Variants in FAM107B observed in about 807,000 individuals in gnomAD.
The protein encoded by FAM107B is protein FAM107B.
Under a neutral mutation model 31.5 loss-of-function variants are expected in FAM107B, and 21 were observed. The observed-to-expected ratio is 0.67, with a 90% confidence interval of 0.47 to 0.96. The LOEUF (loss-of-function observed/expected upper bound fraction) is 0.96. Among genes scored for constraint, FAM107B ranks in the 40% least tolerant of loss-of-function variants. The probability of loss-of-function intolerance (pLI) is 0.00; values close to 1 mark genes in which losing one functional copy is unlikely to be tolerated. For missense variants in FAM107B, 452 were observed against 377.1 expected, an observed-to-expected ratio of 1.20 and a Z score of -1.64; for synonymous variants, 157 against 141.5, an observed-to-expected ratio of 1.11 and a Z score of -0.78.
chr10:14,569,783 C>A (rs1031673792), intron 2 of FAM107B, among the ~76,000 whole-genome samples: 1 of 152,180 alleles, frequency 6.6e-6, no homozygotes, highest in Non-Finnish European at 1.5e-5. Context: ...CTCCTCAATG[C>A]AAGGCCGTGC....
intron 2 of FAM107B, chr10:14,604,377 G>A (rs1588653332): frequency 7.8e-6 from 3 of 385,456 alleles, no homozygotes; most frequent in South Asian, 1.0e-4. Context: ...CGGCCCGCAA[G>A]CCAGTCCGGC....
chr10:14,588,250 A>G (rs906693690), intron 2 of FAM107B, among the ~76,000 whole-genome samples: 1 of 152,178 alleles, frequency 6.6e-6, no homozygotes, highest in African/African-American at 2.4e-5. Flanking sequence ...AGAAAAGGGG[A>G]AAAAAGCAGT....
At chr10:14,633,918 T>C (rs1853430475) in intron 2 of FAM107B, among the ~76,000 whole-genome samples, 1 of 152,142 alleles carries the variant, frequency 6.6e-6, no homozygotes, top group African/African-American at 2.4e-5. Context: ...AAATAGAGCT[T>C]AGGGAAGAGA....
intron 2 of FAM107B, among the ~76,000 whole-genome samples, chr10:14,533,457 G>A (rs988306124): frequency 8.5e-5 from 13 of 152,142 alleles, no homozygotes; most frequent in African/African-American, 2.9e-4. Context: ...ACGTCTGATC[G>A]ACATGAAAGA....
intron 2 of FAM107B, among the ~76,000 whole-genome samples, chr10:14,542,115 C>A (rs1564544781): frequency 6.6e-6 from 1 of 151,640 alleles, no homozygotes; most frequent in Non-Finnish European, 1.5e-5. Context: ...AATAATAATA[C>A]AAAAATGAGC....
chr10:14,737,389 G>A (rs1344585352), intron 1 of FAM107B, among the ~76,000 whole-genome samples: 2 of 152,084 alleles, frequency 1.3e-5, no homozygotes. Context: ...GAGGTGGGCG[G>A]ATTGCCTGAG....
intron 2 of FAM107B, chr10:14,652,696 A>T (rs1853932186): frequency 6.6e-6 from 1 of 152,250 alleles, no homozygotes; most frequent in African/African-American, 2.4e-5. Context: ...TATAGTATCA[A>T]GGGTAGCGTG....
intron 1 of FAM107B, among the ~76,000 whole-genome samples, chr10:14,767,055 T>TATATATATATATATAGAGAG (rs1440609298): frequency 1.6e-4 from 3 of 18,280 alleles, no homozygotes; most frequent in Non-Finnish European, 2.2e-4. Context: ...TATATATATA[T>TATATATATATATATAGAGAG]AGAGAGAGAG....
chr10:14,578,555 C>A (rs934988384), intron 2 of FAM107B, among the ~76,000 whole-genome samples: 6 of 152,152 alleles, frequency 3.9e-5, no homozygotes, highest in African/African-American at 1.4e-4. Context: ...TGCCAAATTG[C>A]TCACTTTCTG....
chr10:14,543,044 G>T (rs999527786), intron 2 of FAM107B, among the ~76,000 whole-genome samples: 1 of 152,120 alleles, frequency 6.6e-6, no homozygotes, highest in Non-Finnish European at 1.5e-5. Context: ...CCTTAAAATT[G>T]ATAAATTACA....
intron 3 of FAM107B, among the ~76,000 whole-genome samples, chr10:14,526,449 T>C (rs1325962866): frequency 6.6e-6 from 1 of 152,254 alleles, no homozygotes; most frequent in East Asian, 1.9e-4. Flanking sequence ...GTGCTGGAAT[T>C]ACAGGCGTGA....
intron 2 of FAM107B, among the ~76,000 whole-genome samples, chr10:14,631,195 C>T (rs1487088327): frequency 6.6e-6 from 1 of 152,088 alleles, no homozygotes; most frequent in Non-Finnish European, 1.5e-5. Context: ...GTGCATATCC[C>T]CTGGCTGGGC....
chr10:14,767,557 G>A (rs996538996), intron 1 of FAM107B, among the ~76,000 whole-genome samples: 5 of 151,620 alleles, frequency 3.3e-5, no homozygotes, highest in African/African-American at 4.8e-5. Flanking sequence ...ACAGAATGAC[G>A]GAAAGAAAAC....
intron 2 of FAM107B, among the ~76,000 whole-genome samples, chr10:14,665,907 T>C (rs1222284161): frequency 6.6e-6 from 1 of 151,962 alleles, no homozygotes; most frequent in Non-Finnish European, 1.5e-5. Flanking sequence ...CCATGTCATA[T>C]TTTTTTTCAT....
intron 2 of FAM107B, among the ~76,000 whole-genome samples, chr10:14,580,658 A>C (rs1851606638): frequency 6.6e-6 from 1 of 152,200 alleles, no homozygotes; most frequent in Non-Finnish European, 1.5e-5. Flanking sequence ...ATTCATGCCA[A>C]ATAAAAGCAT....
At chr10:14,558,552 T>C (rs1234529554) in intron 2 of FAM107B, among the ~76,000 whole-genome samples, 8 of 152,088 alleles carry the variant, frequency 5.3e-5, no homozygotes, top group Non-Finnish European at 1.2e-4. Context: ...AAGAGAGTTG[T>C]GTGGAGAAGC....
intron 2 of FAM107B, among the ~76,000 whole-genome samples, chr10:14,618,489 C>T (rs183406452): frequency 6.6e-6 from 1 of 152,056 alleles, no homozygotes; most frequent in African/African-American, 2.4e-5. Context: ...CCACGCCCCC[C>T]AAAAAGATGT....
At chr10:14,525,582 A>C (rs78920050) in intron 3 of FAM107B, among the ~76,000 whole-genome samples, 1 of 152,208 alleles carries the variant, frequency 6.6e-6, no homozygotes, top group Non-Finnish European at 1.5e-5. Flanking sequence ...CTATTCCTGC[A>C]TCCAGAGATA....
chr10:14,772,353 T>TAAAA (rs201097631), intron 1 of FAM107B, among the ~76,000 whole-genome samples: 13 of 142,948 alleles, frequency 9.1e-5, no homozygotes, highest in Admixed American at 2.8e-4. Context: ...GACTCCATCT[T>TAAAA]AAAAAAAAAA....
Sources: gnomAD v4.1 joint callset for allele counts (sites outside exome capture counted in the v4.1 genomes callset) on GRCh38, gnomAD v4.1.1 for gene constraint, MANE v1.5 for transcripts, NCBI Gene and HGNC (gene_info 2026-07-23, HGNC 2026-07-21) for gene names.